CHRM3: variants seen among roughly 807,000 people sequenced by gnomAD.
The protein encoded by CHRM3 is cholinergic receptor muscarinic 3.
Under a neutral mutation model 41.8 loss-of-function variants are expected in CHRM3, and 11 were observed. That is an observed-to-expected ratio of 0.26 (90% CI 0.17 to 0.44). The LOEUF is 0.44. Ranked by LOEUF, CHRM3 falls within the 20% of genes least tolerant of loss-of-function variation. The pLI is 1.00. For synonymous variants in CHRM3, 297 were observed against 301.4 expected, an observed-to-expected ratio of 0.99 and a Z score of 0.15; for missense variants, 571 against 745.4, an observed-to-expected ratio of 0.77 and a Z score of 2.72.
At chr1:239,526,898 A>C (rs560232582) in intron 2 of CHRM3, among the ~76,000 whole-genome samples, 32 of 152,204 alleles carry the variant, frequency 2.1e-4, no homozygotes, top group African/African-American at 7.2e-4. Flanking sequence ...AGGTAGGAGG[A>C]TCTCTTGAGC....
intron 6 of CHRM3, among the ~76,000 whole-genome samples, chr1:239,831,381 C>G (rs1293232840): frequency 2.6e-5 from 4 of 152,258 alleles, no homozygotes; most frequent in African/African-American, 7.2e-5. Flanking sequence ...CCTCAAAGCC[C>G]TCTCTGCCAA....
intron 5 of CHRM3, among the ~76,000 whole-genome samples, chr1:239,688,914 T>C (rs1000294797): frequency 3.4e-5 from 5 of 146,110 alleles, no homozygotes; most frequent in African/African-American, 1.2e-4. Flanking sequence ...TAAATTATTT[T>C]AAGTCATTTT....
intron 5 of CHRM3, among the ~76,000 whole-genome samples, chr1:239,777,916 G>A (rs1039785283): frequency 6.6e-6 from 1 of 152,098 alleles, no homozygotes; most frequent in South Asian, 2.1e-4. Flanking sequence ...ACACAGCGCT[G>A]GATAAGAGTG....
chr1:239,727,330 A>C (rs1390872257), intron 5 of CHRM3, among the ~76,000 whole-genome samples: 1 of 151,910 alleles, frequency 6.6e-6, no homozygotes, highest in East Asian at 1.9e-4. Flanking sequence ...ATGTATTCTT[A>C]TTTTAAAATG....
rs924614328 is a variant in CHRM3 at position 239,465,169 on chromosome 1, C to T, written c.-520-27540C>T. ...AGACAGTGAGCAAATCTATTAAACA[C>T]GCATGGATAGGCCAGTCCAGCTGAT... On this transcript the variant is annotated intron_variant, in intron 1 of 6. Transcript: ENST00000676153. Among the ~76,000 whole-genome samples the T allele has an allele frequency of 5.9e-5, 9 of 152,126 alleles. 1 individual carries two copies. The highest frequency in any genetic ancestry group is 3.9e-4 in the East Asian group (2 of 5,176).
intron 6 of CHRM3, among the ~76,000 whole-genome samples, chr1:239,879,006 C>T (rs538997696): frequency 1.2e-4 from 19 of 152,216 alleles, no homozygotes; most frequent in African/African-American, 4.3e-4. Context: ...AACTCCTTTA[C>T]GTCAGGGGTT....
intron 4 of CHRM3, among the ~76,000 whole-genome samples, chr1:239,640,310 C>G (rs973881987): frequency 2.6e-5 from 4 of 152,136 alleles, no homozygotes; most frequent in African/African-American, 9.7e-5. Context: ...CTCTCTTTTT[C>G]TATTGATTGG....
chr1:239,559,229 A>G (rs1266349366), intron 3 of CHRM3, among the ~76,000 whole-genome samples: 4 of 152,166 alleles, frequency 2.6e-5, no homozygotes, highest in African/African-American at 7.2e-5. Flanking sequence ...TTCACAGTCT[A>G]TAGGAGCTAT....
At chr1:239,459,331 CA>C (rs2147868988) in intron 1 of CHRM3, among the ~76,000 whole-genome samples, 1 of 152,148 alleles carries the variant, frequency 6.6e-6, no homozygotes, top group South Asian at 2.1e-4. Flanking sequence ...TATATTTTAA[CA>C]AAATATGGCT....
chr1:239,413,830 C>T (rs1311068087), intron 1 of CHRM3, among the ~76,000 whole-genome samples: 7 of 152,128 alleles, frequency 4.6e-5, no homozygotes, highest in Non-Finnish European at 1.0e-4. Context: ...GCGGTGTGCA[C>T]ATATGTGCAC....
intron 6 of CHRM3, among the ~76,000 whole-genome samples, chr1:239,867,458 C>T (rs893190737): frequency 3.9e-5 from 6 of 152,074 alleles, no homozygotes; most frequent in East Asian, 1.9e-4. Context: ...GAAGCCGCGG[C>T]GGGCAGATCA....
chr1:239,527,901 T>C (rs1218670), intron 2 of CHRM3, among the ~76,000 whole-genome samples: 70,130 of 152,042 alleles, frequency 0.46, 16,978 homozygotes, highest in Middle Eastern at 0.63. Context: ...CCCCTTGTAC[T>C]ACAACTTTTG....
intron 3 of CHRM3, among the ~76,000 whole-genome samples, chr1:239,605,361 C>T (rs995192607): frequency 6.6e-6 from 1 of 152,118 alleles, no homozygotes. Context: ...CAGTAACATA[C>T]TGTACAGATT....
chr1:239,854,216 T>A (rs534384236), intron 6 of CHRM3, among the ~76,000 whole-genome samples: 38 of 152,184 alleles, frequency 2.5e-4, no homozygotes, highest in Admixed American at 2.0e-3. Context: ...TCAGAAACAA[T>A]GATCATGCTT....
intron 5 of CHRM3, among the ~76,000 whole-genome samples, chr1:239,736,518 G>A (rs888894095): frequency 6.6e-6 from 1 of 151,978 alleles, no homozygotes; most frequent in Non-Finnish European, 1.5e-5. Flanking sequence ...ATACATAGGG[G>A]CATTGGTGTG....
chr1:239,678,390 A>G (rs1238756519), intron 5 of CHRM3, 102 bp downstream of exon 5: 1 of 152,200 alleles, frequency 6.6e-6, no homozygotes, highest in African/African-American at 2.4e-5. Flanking sequence ...GCTCTGAACA[A>G]TTAAATTCAT....
At chr1:239,681,367 A>G (rs773877405) in intron 5 of CHRM3, among the ~76,000 whole-genome samples, 1 of 152,220 alleles carries the variant, frequency 6.6e-6, no homozygotes, top group African/African-American at 2.4e-5. Context: ...ATTTATAAAG[A>G]CCTTCATAAA....
intron 3 of CHRM3, among the ~76,000 whole-genome samples, chr1:239,586,535 A>G (rs977633482): frequency 6.6e-6 from 1 of 152,154 alleles, no homozygotes; most frequent in African/African-American, 2.4e-5. Flanking sequence ...TCCCCTTCCC[A>G]TTCTTCAACA....
At chr1:239,531,542 GT>G (rs1670402080) in intron 2 of CHRM3, among the ~76,000 whole-genome samples, 1 of 146,960 alleles carries the variant, frequency 6.8e-6, no homozygotes, top group African/African-American at 2.5e-5. Context: ...TTAAAAAGGA[GT>G]TATGAATTAA....
Sources: allele counts gnomAD v4.1 joint callset (sites outside exome capture counted in the v4.1 genomes callset), GRCh38; gene constraint gnomAD v4.1.1; transcripts MANE v1.5; gene names NCBI Gene and HGNC (gene_info 2026-07-23, HGNC 2026-07-21).